Variants in EXT1 observed in about 807,000 individuals in gnomAD.
The protein encoded by EXT1 is exostosin-1.
Under a neutral mutation model 82.5 loss-of-function variants are expected in EXT1, and 20 were observed. The ratio of observed to expected loss-of-function variants is 0.24; its 90% CI spans 0.17 to 0.35. The LOEUF (loss-of-function observed/expected upper bound fraction) is 0.35. Ranked by LOEUF, EXT1 falls within the 10% of genes least tolerant of loss-of-function variation. The pLI, the probability that EXT1 is intolerant of heterozygous loss-of-function variation, is 1.00. For missense variants in EXT1, 757 were observed against 936.5 expected, an observed-to-expected ratio of 0.81 and a Z score of 2.50; for synonymous variants, 348 against 350.8, an observed-to-expected ratio of 0.99 and a Z score of 0.09.
intron 1 of EXT1, among the ~76,000 whole-genome samples, chr8:117,857,538 C>T (rs1812586836): frequency 1.3e-5 from 1 of 76,568 alleles, no homozygotes; most frequent in Admixed American, 1.2e-4. Flanking sequence ...CTTCCCCCCG[C>T]CAAAAAAAAA....
At chr8:117,913,136 C>T (rs999803961) in intron 1 of EXT1, among the ~76,000 whole-genome samples, 1 of 152,084 alleles carries the variant, frequency 6.6e-6, no homozygotes, top group Non-Finnish European at 1.5e-5. Flanking sequence ...GCAGGAGAAT[C>T]GCTTGAACCC....
intron 8 of EXT1, among the ~76,000 whole-genome samples, chr8:117,810,974 T>G (rs1412578733): frequency 1.3e-5 from 2 of 152,166 alleles, no homozygotes; most frequent in African/African-American, 4.8e-5. Flanking sequence ...TCCATCCTAG[T>G]GCCATCTCTC....
At chr8:117,824,788 G>T (rs886669532) in intron 4 of EXT1, among the ~76,000 whole-genome samples, 5 of 152,176 alleles carry the variant, frequency 3.3e-5, no homozygotes, top group Admixed American at 3.3e-4. Context: ...TCCATGCAAA[G>T]CAATGAACAT....
At chr8:117,929,590 T>C (rs967720331) in intron 1 of EXT1, among the ~76,000 whole-genome samples, 8 of 152,156 alleles carry the variant, frequency 5.3e-5, no homozygotes, top group South Asian at 2.1e-4. Flanking sequence ...GCAGGCTCAA[T>C]AGATTTTTCT....
At chr8:117,988,577 A>T (rs1238971601) in intron 1 of EXT1, among the ~76,000 whole-genome samples, 1 of 152,206 alleles carries the variant, frequency 6.6e-6, no homozygotes, top group Non-Finnish European at 1.5e-5. Flanking sequence ...AGGGGTCAGG[A>T]TCGGCCGGGC....
intron 1 of EXT1, among the ~76,000 whole-genome samples, chr8:117,883,938 T>C (rs1209533054): frequency 6.6e-6 from 1 of 152,238 alleles, no homozygotes; most frequent in Non-Finnish European, 1.5e-5. Context: ...AAGTGACTTC[T>C]GCCTTCACAT....
intron 1 of EXT1, among the ~76,000 whole-genome samples, chr8:117,975,264 A>G (rs1815041010): frequency 1.3e-5 from 2 of 152,204 alleles, no homozygotes; most frequent in Admixed American, 6.5e-5. Flanking sequence ...CAAAGCTATA[A>G]AGTATCAAGA....
intron 1 of EXT1, among the ~76,000 whole-genome samples, chr8:118,092,325 G>A (rs1463115708): frequency 6.6e-6 from 1 of 152,102 alleles, no homozygotes; most frequent in Non-Finnish European, 1.5e-5. Flanking sequence ...AGACTAAAGA[G>A]GAGGCTACAA....
intron 1 of EXT1, among the ~76,000 whole-genome samples, chr8:117,982,935 A>C (rs557580642): frequency 3.3e-5 from 5 of 152,352 alleles, no homozygotes; most frequent in African/African-American, 1.2e-4. Context: ...ATTATTCAAA[A>C]TTAATATTTT....
At chr8:117,937,274 T>A (rs571389539) in intron 1 of EXT1, among the ~76,000 whole-genome samples, 1 of 152,262 alleles carries the variant, frequency 6.6e-6, no homozygotes. Flanking sequence ...ATTGCACTTG[T>A]ACACAACCAG....
chr8:117,817,713 T>A (rs1420372865), intron 7 of EXT1, among the ~76,000 whole-genome samples: 3 of 152,084 alleles, frequency 2.0e-5, no homozygotes, highest in African/African-American at 7.2e-5. Context: ...CAGCTAATTA[T>A]AAATGATCAA....
chr8:117,949,491 C>CAT (rs913666267), intron 1 of EXT1, among the ~76,000 whole-genome samples: 3 of 149,086 alleles, frequency 2.0e-5, no homozygotes, highest in Non-Finnish European at 4.4e-5. Flanking sequence ...CACACATATA[C>CAT]ATATATATAC....
intron 1 of EXT1, among the ~76,000 whole-genome samples, chr8:117,892,649 G>A (rs536057334): frequency 6.6e-6 from 1 of 152,220 alleles, no homozygotes; most frequent in Non-Finnish European, 1.5e-5. Context: ...GTGGAGAAGA[G>A]TTTGTAGTTG....
At chr8:117,965,731 T>C (rs1270030705) in intron 1 of EXT1, among the ~76,000 whole-genome samples, 1 of 152,172 alleles carries the variant, frequency 6.6e-6, no homozygotes, top group Non-Finnish European at 1.5e-5. Flanking sequence ...CTCTTGAGCT[T>C]TTCTCTAATA....
At chr8:117,900,165 A>C (rs1428096936) in intron 1 of EXT1, among the ~76,000 whole-genome samples, 1 of 152,192 alleles carries the variant, frequency 6.6e-6, no homozygotes, top group Non-Finnish European at 1.5e-5. Context: ...CAGAGCAGAA[A>C]AGTCCTGCCT....
intron 4 of EXT1, among the ~76,000 whole-genome samples, chr8:117,824,700 T>C (rs1811981278): frequency 6.6e-6 from 1 of 152,244 alleles, no homozygotes; most frequent in African/African-American, 2.4e-5. Context: ...ATAGTATAGA[T>C]ATTACATAAT....
At chr8:117,858,833 G>GA (rs1563582200) in intron 1 of EXT1, among the ~76,000 whole-genome samples, 14 of 49,168 alleles carry the variant, frequency 2.8e-4, no homozygotes, top group African/African-American at 8.8e-4. Flanking sequence ...AGGAAGGAAG[G>GA]AAGGAAGGAA....
At chr8:117,854,626 A>G (rs543635899) in intron 1 of EXT1, among the ~76,000 whole-genome samples, 2 of 152,262 alleles carry the variant, frequency 1.3e-5, no homozygotes, top group Non-Finnish European at 2.9e-5. Context: ...GCATGTAGAA[A>G]TAACAATGAT....
At chr8:118,085,057 T>C (rs376396289) in intron 1 of EXT1, among the ~76,000 whole-genome samples, 3 of 152,214 alleles carry the variant, frequency 2.0e-5, no homozygotes, top group African/African-American at 2.4e-5. Context: ...GATGTTTCGA[T>C]TGTTAAGCAT....
Sources: gnomAD v4.1 joint callset for allele counts (sites outside exome capture counted in the v4.1 genomes callset) on GRCh38, gnomAD v4.1.1 for gene constraint, MANE v1.5 for transcripts, NCBI Gene and HGNC (gene_info 2026-07-23, HGNC 2026-07-21) for gene names.